Variants in LMNB2 observed in about 807,000 individuals in gnomAD.
LMNB2 encodes the protein lamin-B2.
In LMNB2, 17 loss-of-function variants were observed where a neutral mutation model predicts 69.3. The observed-to-expected ratio is 0.25, with a 90% CI of 0.17 to 0.37. The LOEUF is 0.37. Ranked by LOEUF, LMNB2 falls within the 10% of genes least tolerant of loss-of-function variation. LMNB2 has a pLI of 1.00. For synonymous variants in LMNB2, 397 were observed against 389.3 expected, an observed-to-expected ratio of 1.02 and a Z score of -0.23; for missense variants, 789 against 883.6, an observed-to-expected ratio of 0.89 and a Z score of 1.36.
At chr19:2,454,413 G>A (rs967817886) in intron 1 of LMNB2, among the ~76,000 whole-genome samples, 1 of 151,866 alleles carries the variant, frequency 6.6e-6, no homozygotes, top group African/African-American at 2.4e-5. Flanking sequence ...AGGGCACTGT[G>A]AAAACAACCC....
At chr19:2,454,702 C>T (rs1276448467) in intron 1 of LMNB2, among the ~76,000 whole-genome samples, 1 of 152,162 alleles carries the variant, frequency 6.6e-6, no homozygotes, top group East Asian at 1.9e-4. Flanking sequence ...GCTCTCCCAA[C>T]AGGACACTGG....
rs558111045 is a variant in LMNB2 at position 2,442,898 on chromosome 19, C to T, written c.401+1506G>A. ...GAAATTCACATCCTGTACATTTCAA[C>T]ATCTTAAAGTGAACAGTTGAGAGGC... is the stretch of plus-strand genomic sequence containing the variant. On this transcript the variant is annotated intron_variant, in intron 2 of 11. Coordinates refer to ENST00000325327, the MANE Select transcript of LMNB2 (RefSeq NM_032737.4). Among the ~76,000 whole-genome samples the T allele has an allele frequency of 1.1e-4, 16 of 152,304 alleles. 1 individual carries two copies. The South Asian group carries it at 3.3e-3, about 32-fold the overall frequency.
In LMNB2 at chr19:2,447,684, T is replaced by C. The variant is rs1170161429; in HGVS notation, c.265-3144A>G. Among the ~76,000 whole-genome samples, 1 of 151,970 alleles carries C rather than the reference T, an allele frequency of 6.6e-6. No homozygotes were observed. Among genetic ancestry groups the C allele is most frequent in the African/African-American group, 2.4e-5 (1 of 41,350 alleles). On this transcript the variant is annotated intron_variant, in intron 1 of 11. Coordinates refer to ENST00000325327, the MANE Select transcript of LMNB2 (RefSeq NM_032737.4). This position sits in a 1 kb window ranked among gnomAD's most constrained non-coding sequence, Gnocchi z 4.4. ...TCCCACAGCCCTACAGGGCCAAGGG[T>C]GTCTATGCAAGGTGGGTACAGGGTC...
intron 11 of LMNB2, 106 bp from the exon 12 acceptor site, chr19:2,431,058 C>A (rs1165408091): frequency 1.3e-6 from 1 of 754,350 alleles, no homozygotes; most frequent in Non-Finnish European, 2.4e-6. Context: ...GGCTGAGCAA[C>A]AACAGTGTCT....
chr19:2,437,490 C>A (rs565325545), intron 4 of LMNB2, among the ~76,000 whole-genome samples: 1 of 152,214 alleles, frequency 6.6e-6, no homozygotes, highest in Non-Finnish European at 1.5e-5. Context: ...TCAAAATAGA[C>A]CTTCCTTGAC....
chr19:2,446,862 C>T (rs999930586), intron 1 of LMNB2, among the ~76,000 whole-genome samples: 57 of 152,112 alleles, frequency 3.7e-4, no homozygotes, highest in African/African-American at 1.3e-3. Flanking sequence ...CACATGGTGC[C>T]GGGCGCAGTG....
chr19:2,438,971 G>A (rs942135863), intron 2 of LMNB2, among the ~76,000 whole-genome samples: 2 of 143,242 alleles, frequency 1.4e-5, no homozygotes, highest in African/African-American at 5.2e-5. Flanking sequence ...AGATATTTAA[G>A]ATAGCAAATA....
chr19:2,456,655 A>G lies in LMNB2; in HGVS notation c.264+15T>C, dbSNP rs541933564. The G allele has an allele frequency of 2.2e-5, 33 of 1,499,292 alleles. No individual in the cohort carries two copies. The African/African-American group carries it at 3.5e-4, about 16-fold the overall frequency. 92.9% of individuals were successfully genotyped at this position (1,499,292 alleles called of 1,614,324 possible). ...CGGCTGCACCCCCGCCCGGCCCCTA[A>G]GCCCCGGCGCCCACCTCGCGCGTGG... On this transcript the variant is annotated intron_variant, in intron 1 of 11. Coordinates refer to ENST00000325327, the MANE Select transcript of LMNB2 (RefSeq NM_032737.4).
chr19:2,443,876 G>A lies in LMNB2; in HGVS notation c.401+528C>T, dbSNP rs921845532. ...GAGATCGTTTCTGCCGATGGACACA[G>A]TTGTCACCCAGAAGGACTTTGCAGC... On this transcript the variant is annotated intron_variant, in intron 2 of 11. Transcript: ENST00000325327. The surrounding 1 kb of genome is among the most constrained non-coding windows in gnomAD (Gnocchi z 6.2). Among the ~76,000 whole-genome samples the A allele has an allele frequency of 6.6e-6, 1 of 152,170 alleles. No individual in the cohort carries two copies. Among genetic ancestry groups the A allele is most frequent in the African/African-American group, 2.4e-5 (1 of 41,432 alleles).
chr19:2,444,877 C>A (rs555824839), intron 1 of LMNB2, among the ~76,000 whole-genome samples: 4 of 152,180 alleles, frequency 2.6e-5, no homozygotes, highest in African/African-American at 9.6e-5. Context: ...TGCTGGAGAC[C>A]AAAGGCCCTG....
At chr19:2,450,286 G>C (rs1226933216) in intron 1 of LMNB2, among the ~76,000 whole-genome samples, 1 of 152,092 alleles carries the variant, frequency 6.6e-6, no homozygotes, top group Admixed American at 6.6e-5. Context: ...GAAACTATCA[G>C]CCTGGAGGAG....
At chr19:2,444,043 C>T (rs1017602864) in intron 2 of LMNB2, among the ~76,000 whole-genome samples, 2 of 152,158 alleles carry the variant, frequency 1.3e-5, no homozygotes, top group South Asian at 2.1e-4. Context: ...AGGTCAAACG[C>T]GTCTCACGGT....
rs1971781103 is a variant in LMNB2, at chr19:2,433,829, G to C, written c.1479C>G (p.Asp493Glu). Residue 493 changes from aspartate to glutamate, a missense_variant, in exon 8 of 12, where the codon GAC becomes GAG. Asp to Glu is a conservative substitution (Grantham distance 45). Around this residue, in one of 3 missense-constraint regions of LMNB2, gnomAD observed 609 missense variants for 630.9 expected, o/e 0.97. Coordinates refer to ENST00000325327, the MANE Select transcript of LMNB2 (RefSeq NM_032737.4). ...ATGCCCCGGTCTTTCCGGTCACCTT[G>C]TCCGAGTTGTTCTTGAGCTGCACAA... ...GKFVQLKNNS[D>E]KDQSLGNWRI... The C allele has an allele frequency of 6.2e-7, 1 of 1,613,166 alleles. No homozygotes were observed. Among genetic ancestry groups the C allele is most frequent in the African/African-American group, 1.3e-5 (1 of 74,880 alleles).
chr19:2,454,306 A>AAAAAG (rs1443083621), intron 1 of LMNB2, among the ~76,000 whole-genome samples: 20 of 151,288 alleles, frequency 1.3e-4, no homozygotes, highest in Admixed American at 4.0e-4. Flanking sequence ...AAAAAAAAAA[A>AAAAAG]AAAAAAAGAA....
At chr19:2,442,440 G>A (rs1971909031) in intron 2 of LMNB2, among the ~76,000 whole-genome samples, 1 of 152,138 alleles carries the variant, frequency 6.6e-6, no homozygotes, top group African/African-American at 2.4e-5. Flanking sequence ...AAGGTGGTGT[G>A]AGCCTCTAAT....
rs758691307 is a variant in LMNB2, at chr19:2,438,271, T to G, written c.576A>C (p.Ala192=). The change falls in exon 4 of 12, where the codon GCA becomes GCC. Residue 192 remains alanine (A), a synonymous_variant. Coordinates refer to ENST00000325327, the MANE Select transcript of LMNB2 (RefSeq NM_032737.4). ...CCTTCTCCAGCTGCTTTTTGGCCACTGCATGACCGTCCTCGGCCTGGGAGA... is the reference window on the plus strand; with the variant it reads ...CCTTCTCCAGCTGCTTTTTGGCCACGGCATGACCGTCCTCGGCCTGGGAGA... ...AQLAKAEDGH[A]VAKKQLEKET... 6.2e-7 allele frequency: 1 copy of G among 1,614,042 alleles called. No homozygotes were observed. Among genetic ancestry groups the G allele is most frequent in the Non-Finnish European group, 8.5e-7 (1 of 1,180,020 alleles).
rs773716947 is a variant in LMNB2 at position 2,438,304 on chromosome 19, C to G, written c.559-16G>C. On this transcript the variant is annotated splice_polypyrimidine_tract_variant and intron_variant, in intron 3 of 11. Transcript: ENST00000325327. ...CGTCCTCGGCCTGGGAGACACAGGA[C>G]AGCGAGCTGGTGTGACAATCTGTCT... 1.9e-6 allele frequency: 3 copies of G among 1,613,894 alleles called. No homozygotes were observed. The highest frequency in any genetic ancestry group is 2.5e-6 in the Non-Finnish European group (3 of 1,180,028).
rs751479195 is a variant in LMNB2 at position 2,456,743 on chromosome 19, A to G, written c.191T>C (p.Val64Ala). 1 of 1,564,516 alleles carries G rather than the reference A, an allele frequency of 6.4e-7. No individual in the cohort carries two copies. The highest frequency in any genetic ancestry group is 8.7e-7 in the Non-Finnish European group (1 of 1,155,840). The change falls in exon 1 of 12, where the codon GTC becomes GCC. Residue 64 changes from valine to alanine, a missense_variant. Val to Ala is a moderately conservative substitution (Grantham distance 64). Coordinates refer to ENST00000325327, the MANE Select transcript of LMNB2 (RefSeq NM_032737.4). ...NDRLAHYIDR[V>A]RALELENDRL... Reference sequence around the variant, plus strand: ...GTCGTTCTCCAGCTCCAGCGCGCGGACGCGGTCGATGTAGTGCGCCAGGCG... The same window carrying G: ...GTCGTTCTCCAGCTCCAGCGCGCGGGCGCGGTCGATGTAGTGCGCCAGGCG...
intron 2 of LMNB2, among the ~76,000 whole-genome samples, chr19:2,441,945 T>TC (rs1971904618): frequency 6.6e-6 from 1 of 152,168 alleles, no homozygotes; most frequent in Non-Finnish European, 1.5e-5. Flanking sequence ...CCTCAGCAAC[T>TC]CGGTCTAAAC....
Sources: gnomAD v4.1 joint callset for allele counts (sites outside exome capture counted in the v4.1 genomes callset) on GRCh38, gnomAD v4.1.1 for gene constraint, gnomAD v4.1.1 regional missense constraint, Gnocchi (gnomAD v3.1) non-coding constraint, MANE v1.5 for transcripts, NCBI Gene and HGNC (gene_info 2026-07-23, HGNC 2026-07-21) for gene names.